The following MCM10 variants were observed in gnomAD, a reference collection of about 807,000 sequenced individuals.
MCM10 encodes minichromosome maintenance 10 replication initiation factor.
In MCM10, 91 loss-of-function variants were observed where a neutral mutation model predicts 109.9. The ratio of observed to expected loss-of-function variants is 0.83; its 90% CI spans 0.70 to 0.99. MCM10 has a LOEUF of 0.99. MCM10 is among the 50% of genes least tolerant of loss of function. The pLI is 0.00. For missense variants in MCM10, 1,077 were observed against 1,061.2 expected (o/e 1.01, Z -0.21); for synonymous variants, 380 against 387.2 (o/e 0.98, Z 0.22).
intron 17 of MCM10, 107 bp from the exon 18 acceptor site, chr10:13,204,112 G>A (rs1834536550): frequency 7.3e-7 from 1 of 1,372,214 alleles, no homozygotes; most frequent in African/African-American, 1.4e-5. Context: ...GGCCCAGGTA[G>A]TGATGAGAGA....
At chr10:13,198,290 C>CAT (rs1029123206) in intron 15 of MCM10, among the ~76,000 whole-genome samples, 2 of 152,032 alleles carry the variant, frequency 1.3e-5, no homozygotes, top group African/African-American at 4.8e-5. Flanking sequence ...GATCTTTGTA[C>CAT]ATATATATAT....
intron 17 of MCM10, among the ~76,000 whole-genome samples, chr10:13,203,838 C>T (rs1398855765): frequency 6.6e-6 from 1 of 152,112 alleles, no homozygotes; most frequent in Non-Finnish European, 1.5e-5. Context: ...GATCCCAAGC[C>T]TCAGCATCCT....
intron 14 of MCM10, among the ~76,000 whole-genome samples, chr10:13,196,670 G>C (rs926964265): frequency 6.6e-6 from 1 of 151,956 alleles, no homozygotes; most frequent in African/African-American, 2.4e-5. Flanking sequence ...CCACCACCAT[G>C]CCTGACTAAT....
At position 13,186,229 on chromosome 10, in the gene MCM10, C is replaced by G; in HGVS notation, c.1164C>G (p.Thr388=). 1.9e-6 allele frequency: 3 copies of G among 1,613,338 alleles called. No homozygotes were observed. The change falls in exon 9 of 20, where the codon ACC becomes ACG. Residue 388 remains threonine, a synonymous_variant. Transcript: ENST00000378714. ...LIMGEALDLG[T]CKAKKKNGEP... is the part of the protein sequence containing the mutation. ...TGGGTGAAGCTCTTGACCTGGGAAC[C>G]TGTAAAGCCAAGAAGAAGAATGGAG...
At chr10:13,170,674 T>G (rs188593245) in intron 2 of MCM10, among the ~76,000 whole-genome samples, 511 of 149,682 alleles carry the variant, frequency 3.4e-3, no homozygotes, top group Middle Eastern at 0.01. Context: ...TAGGTTTTTG[T>G]TTTTTTTGTT....
intron 2 of MCM10, among the ~76,000 whole-genome samples, chr10:13,165,521 C>A: frequency 6.6e-6 from 1 of 152,078 alleles, no homozygotes; most frequent in East Asian, 1.9e-4. Context: ...TGAATGGATA[C>A]CTGTTCTCTA....
At chr10:13,185,863 T>C (rs1718040829) in intron 8 of MCM10, among the ~76,000 whole-genome samples, 1 of 152,156 alleles carries the variant, frequency 6.6e-6, no homozygotes, top group South Asian at 2.1e-4. Flanking sequence ...CAAGCTCTAG[T>C]GATCCTCCCA....
chr10:13,198,858 G>A, intron 16 of MCM10, 51 bp downstream of exon 16: 1 of 1,175,932 alleles, frequency 8.5e-7, no homozygotes, highest in Non-Finnish European at 1.3e-6. Flanking sequence ...GTCCTTCAAA[G>A]CCAAGGTGCT....
chr10:13,186,110 A>T, intron 8 of MCM10, 54 bp from the exon 9 acceptor site: 1 of 984,388 alleles, frequency 1.0e-6, no homozygotes, highest in Non-Finnish European at 1.6e-6. Flanking sequence ...ATTCCTGCTA[A>T]TAAAAGGCCA....
In MCM10 at chr10:13,182,528, A is replaced by G. The variant is rs116607415; in HGVS notation, c.931-405A>G. Among the ~76,000 whole-genome samples the G allele has an allele frequency of 1.4e-3, 207 of 152,232 alleles. 1 individual carries two copies. The highest frequency in any genetic ancestry group is 4.7e-3 in the African/African-American group (197 of 41,530). ...CCAATGATATGGAATAGATTTACTC[A>G]TTTACCTAATATTGATTCATATCAG... On this transcript the variant is annotated intron_variant, in intron 7 of 19. Transcript: ENST00000378714. The surrounding 1 kb of genome is among the most constrained non-coding windows in gnomAD (Gnocchi z 4.2).
intron 14 of MCM10, among the ~76,000 whole-genome samples, chr10:13,196,617 A>G (rs769804031): frequency 1.5e-4 from 23 of 152,016 alleles, no homozygotes; most frequent in Middle Eastern, 3.4e-3. Context: ...GGTTCAATCA[A>G]TTCTCTTGCC....
intron 14 of MCM10, 197 bp downstream of exon 14, chr10:13,195,466 A>G (rs137951572): frequency 2.0e-6 from 1 of 504,904 alleles, no homozygotes; most frequent in Non-Finnish European, 3.5e-6. Context: ...AGGCTACAAG[A>G]GGTAGCCTAG....
chr10:13,172,829 CAT>C lies in MCM10; in HGVS notation c.592+65_592+66del. ...ATGTGTTTATGTGTGTGGGGGTGTT[CAT>C]GTGTGTGTGGGTGTCTGTGTCTTTT... is the stretch of plus-strand genomic sequence containing the variant. On this transcript the variant is annotated intron_variant, in intron 5 of 19. Transcript: ENST00000378714. The surrounding 1 kb of genome is among the most constrained non-coding windows in gnomAD (Gnocchi z 5.2). 2.0e-6 allele frequency: 3 copies of C among 1,525,242 alleles called. No homozygotes were observed. Among genetic ancestry groups the C allele is most frequent in the Non-Finnish European group, 2.7e-6 (3 of 1,109,180 alleles). The allele number at this position is 1,525,242 out of a possible 1,614,324, so 94.5% of individuals were successfully genotyped here. A position where few individuals can be genotyped will look rare whatever the true frequency, so the allele number is the denominator to read the frequency against.
In MCM10 at chr10:13,172,716, G is replaced by A. The variant is rs765932235; in HGVS notation, c.543G>A (p.Ala181=). ...TCFSAELDVP[A]LPRTKRVART... is the part of the protein sequence containing the mutation. ...TTTCTGCGGAGCTTGATGTCCCTGC[G>A]CTACCAAGAACCAAGAGGGTGGCTC... Residue 181 remains alanine, a synonymous_variant, in exon 5 of 20, where the codon GCG becomes GCA. Coordinates refer to ENST00000378714, the MANE Select transcript of MCM10 (RefSeq NM_018518.5). The surrounding 1 kb of genome is among the most constrained non-coding windows in gnomAD (Gnocchi z 5.2). The A allele has an allele frequency of 8.1e-6, 13 of 1,613,966 alleles. No individual in the cohort carries two copies. Among genetic ancestry groups the A allele is most frequent in the African/African-American group, 6.7e-5 (5 of 74,894 alleles).
At position 13,185,602 on chromosome 10, in the gene MCM10, A is replaced by T. The variant is rs372966771; in HGVS notation, c.1099-562A>T. On this transcript the variant is annotated intron_variant, in intron 8 of 19. Transcript: ENST00000378714. ...GCTGGGAGAACAGGGAACAGGATCTATGACCTGAGGCTGAGAAGTCAGCCA... is the reference window on the plus strand; with the variant it reads ...GCTGGGAGAACAGGGAACAGGATCTTTGACCTGAGGCTGAGAAGTCAGCCA... Among the ~76,000 whole-genome samples, 3 of 152,348 alleles carry T rather than the reference A, an allele frequency of 2.0e-5. No homozygotes were observed. In the East Asian group the frequency reaches 5.8e-4, roughly 29 times the overall value.
rs1275266256 is a variant in MCM10, at chr10:13,172,078, ATTAT to A, written c.350-295_350-292del. Among the ~76,000 whole-genome samples, 4 of 151,958 alleles carry A rather than the reference ATTAT, an allele frequency of 2.6e-5. No individual in the cohort carries two copies. Among genetic ancestry groups the A allele is most frequent in the Non-Finnish European group, 5.9e-5 (4 of 67,976 alleles). On this transcript the variant is annotated intron_variant, in intron 3 of 19. Coordinates refer to ENST00000378714, the MANE Select transcript of MCM10 (RefSeq NM_018518.5). The surrounding 1 kb of genome is among the most constrained non-coding windows in gnomAD (Gnocchi z 5.2). ...CACGAGCCACCATGCCTGGCCTATA[ATTAT>A]TTCTCAACTCCTAAAAACTTGTTAA...
intron 15 of MCM10, 127 bp from the exon 16 acceptor site, chr10:13,198,562 G>T (rs2274112): frequency 0.29 from 192,187 of 666,784 alleles, 29,185 homozygotes; most frequent in South Asian, 0.38. Context: ...TGGGACCAGC[G>T]GGGGTAGGTC....
chr10:13,181,771 A>T (rs1363283271), intron 7 of MCM10, among the ~76,000 whole-genome samples: 1 of 152,216 alleles, frequency 6.6e-6, no homozygotes, highest in African/African-American at 2.4e-5. Context: ...TCCTTTGATC[A>T]AATTCTTAGT....
Position 13,209,737 on chromosome 10 carries a change from G to T in MCM10, c.*427G>T. On this transcript the variant is annotated 3_prime_UTR_variant, in exon 20 of 20. Transcript: ENST00000378714. ...CTCCAGGTAAGTAGCTTAACTTCTGGGCTTCAGTTTTCTCATCTGTAAAAT... is the reference window on the plus strand; with the variant it reads ...CTCCAGGTAAGTAGCTTAACTTCTGTGCTTCAGTTTTCTCATCTGTAAAAT... 1 of 162,014 alleles carries T rather than the reference G, an allele frequency of 6.2e-6. No individual in the cohort carries two copies. Among genetic ancestry groups the T allele is most frequent in the Non-Finnish European group, 1.3e-5 (1 of 74,226 alleles). The allele number at this position is 162,014 out of a possible 1,614,324, so 10.0% of individuals were successfully genotyped here. A position where few individuals can be genotyped will look rare whatever the true frequency, so the allele number is the denominator to read the frequency against.
Sources: allele counts gnomAD v4.1 joint callset (sites outside exome capture counted in the v4.1 genomes callset), GRCh38; gene constraint gnomAD v4.1.1; non-coding constraint Gnocchi (gnomAD v3.1); transcripts MANE v1.5; gene names NCBI Gene and HGNC (gene_info 2026-07-23, HGNC 2026-07-21).